The following DPP10 variants were observed in gnomAD, a reference collection of about 807,000 sequenced individuals.
The protein encoded by DPP10 is inactive dipeptidyl peptidase 10.
In DPP10, 33 loss-of-function variants were observed where a neutral mutation model predicts 120.9. The observed-to-expected ratio is 0.27, with a 90% CI of 0.21 to 0.37. The LOEUF (loss-of-function observed/expected upper bound fraction) is 0.37, where lower values mean the gene tolerates loss of function less well. Among genes scored for constraint, DPP10 ranks in the 10% least tolerant of loss-of-function variants. The probability of loss-of-function intolerance (pLI) is 1.00; values close to 1 mark genes in which losing one functional copy is unlikely to be tolerated. For synonymous variants in DPP10, 337 were observed against 326.1 expected (o/e 1.03, Z -0.36); for missense variants, 816 against 942.8 (o/e 0.87, Z 1.76).
chr2:114,829,237 C>A (rs1686848481), intron 1 of DPP10, among the ~76,000 whole-genome samples: 1 of 151,772 alleles, frequency 6.6e-6, no homozygotes. Context: ...TAGCAGTGAG[C>A]CAAGATCGAG....
At chr2:114,965,457 G>A (rs12469474) in intron 1 of DPP10, among the ~76,000 whole-genome samples, 34,493 of 151,968 alleles carry the variant, frequency 0.23, 4,183 homozygotes, top group Middle Eastern at 0.38. Flanking sequence ...TTTTAACTTA[G>A]TAGAGGCATA....
intron 1 of DPP10, among the ~76,000 whole-genome samples, chr2:114,717,025 T>G (rs1701394420): frequency 6.6e-6 from 1 of 152,254 alleles, no homozygotes. Flanking sequence ...CAGTGCTGCC[T>G]GTGCCTTTGG....
At chr2:115,106,801 C>T (rs529259618) in intron 1 of DPP10, among the ~76,000 whole-genome samples, 1 of 152,064 alleles carries the variant, frequency 6.6e-6, no homozygotes, top group Non-Finnish European at 1.5e-5. Flanking sequence ...CCGGGCCGGG[C>T]GCGGTGGCTC....
intron 3 of DPP10, among the ~76,000 whole-genome samples, chr2:115,357,900 C>A (rs1467420241): frequency 1.3e-5 from 2 of 152,134 alleles, no homozygotes; most frequent in Non-Finnish European, 2.9e-5. Context: ...GAAGCAACAT[C>A]TTGAGCTGTA....
intron 1 of DPP10, among the ~76,000 whole-genome samples, chr2:114,859,654 C>T (rs1689656155): frequency 6.6e-6 from 1 of 152,170 alleles, no homozygotes; most frequent in South Asian, 2.1e-4. Flanking sequence ...CACAAATATG[C>T]ATCTACAAAT....
intron 1 of DPP10, among the ~76,000 whole-genome samples, chr2:114,889,926 A>G (rs1013733902): frequency 6.6e-6 from 1 of 152,200 alleles, no homozygotes; most frequent in African/African-American, 2.4e-5. Context: ...GTCAGCATTG[A>G]TTTGCAAAGG....
At chr2:114,682,959 T>C (rs1573958999) in intron 1 of DPP10, among the ~76,000 whole-genome samples, 1 of 151,996 alleles carries the variant, frequency 6.6e-6, no homozygotes, top group South Asian at 2.1e-4. Context: ...CTTCAGGTCA[T>C]GTTCCAGTAC....
intron 1 of DPP10, among the ~76,000 whole-genome samples, chr2:114,748,332 A>T (rs1678787158): frequency 8.8e-6 from 1 of 113,894 alleles, no homozygotes; most frequent in African/African-American, 3.3e-5. Flanking sequence ...GGACAAAGGG[A>T]ATTTTCTTTT....
intron 1 of DPP10, among the ~76,000 whole-genome samples, chr2:114,639,470 T>C (rs1180837596): frequency 2.0e-5 from 3 of 151,506 alleles, no homozygotes; most frequent in Non-Finnish European, 4.4e-5. Context: ...GACATAAACA[T>C]GGGAACAATA....
intron 1 of DPP10, among the ~76,000 whole-genome samples, chr2:115,091,139 A>T (rs1003046393): frequency 1.3e-5 from 2 of 152,132 alleles, no homozygotes; most frequent in East Asian, 3.9e-4. Context: ...ATATCCAACC[A>T]TCTCCCTGTG....
chr2:115,230,481 G>T (rs1387623898), intron 1 of DPP10, among the ~76,000 whole-genome samples: 1 of 151,918 alleles, frequency 6.6e-6, no homozygotes, highest in Non-Finnish European at 1.5e-5. Flanking sequence ...TTTCTGCCAT[G>T]AACACTAGGA....
chr2:114,666,150 A>G (rs1468216260), intron 1 of DPP10, among the ~76,000 whole-genome samples: 1 of 152,216 alleles, frequency 6.6e-6, no homozygotes, highest in Non-Finnish European at 1.5e-5. Flanking sequence ...GTAAGATGTT[A>G]TCTTACTCCC....
At chr2:114,968,520 A>G (rs1699187194) in intron 1 of DPP10, among the ~76,000 whole-genome samples, 1 of 152,196 alleles carries the variant, frequency 6.6e-6, no homozygotes, top group Non-Finnish European at 1.5e-5. Context: ...TGTTCTTGGA[A>G]GATGAATAAG....
chr2:115,589,632 A>T (rs2149165593), intron 5 of DPP10, among the ~76,000 whole-genome samples: 1 of 152,350 alleles, frequency 6.6e-6, no homozygotes, highest in Non-Finnish European at 1.5e-5. Context: ...CATCAAAGCT[A>T]GCAAAATGAA....
intron 1 of DPP10, among the ~76,000 whole-genome samples, chr2:114,609,229 T>G (rs1573782737): frequency 6.6e-6 from 1 of 152,268 alleles, no homozygotes; most frequent in Middle Eastern, 3.4e-3. Flanking sequence ...ATTCATTGCT[T>G]GATCAATGGA....
At chr2:115,289,636 G>A in intron 1 of DPP10, among the ~76,000 whole-genome samples, 1 of 152,000 alleles carries the variant, frequency 6.6e-6, no homozygotes, top group Admixed American at 6.6e-5. Context: ...GCATAGTACT[G>A]GTATAAAAGT....
chr2:115,366,609 A>G (rs1260931768), intron 3 of DPP10, among the ~76,000 whole-genome samples: 1 of 151,996 alleles, frequency 6.6e-6, no homozygotes, highest in Non-Finnish European at 1.5e-5. Context: ...ATGATGTTGT[A>G]TTTGTCTTCA....
At chr2:115,542,161 C>T (rs79985660) in intron 5 of DPP10, among the ~76,000 whole-genome samples, 2,740 of 151,872 alleles carry the variant, frequency 0.018, 38 homozygotes, top group Middle Eastern at 0.065. Context: ...ACGTAACTAC[C>T]GCTACCATCA....
chr2:114,657,587 T>G (rs1021990517), intron 1 of DPP10, among the ~76,000 whole-genome samples: 2 of 152,198 alleles, frequency 1.3e-5, no homozygotes, highest in African/African-American at 4.8e-5. Flanking sequence ...TAACCCATCG[T>G]GAGAAGGCAA....
Sources: gnomAD v4.1 joint callset for allele counts (sites outside exome capture counted in the v4.1 genomes callset) on GRCh38, gnomAD v4.1.1 for gene constraint, MANE v1.5 for transcripts, NCBI Gene and HGNC (gene_info 2026-07-23, HGNC 2026-07-21) for gene names.